CD82: variants seen among roughly 807,000 people sequenced by gnomAD.
CD82 encodes CD82 antigen.
In CD82, 36 loss-of-function variants were observed where a neutral mutation model predicts 37.4. That is an observed-to-expected ratio of 0.96 (90% CI 0.74 to 1.27). The LOEUF (loss-of-function observed/expected upper bound fraction) is 1.27, where lower values mean the gene tolerates loss of function less well. CD82 is among the 50% of genes most tolerant of loss of function. CD82 has a pLI of 0.00. For synonymous variants in CD82, 158 were observed against 137.4 expected (o/e 1.15, Z -1.05); for missense variants, 340 against 347.0 (o/e 0.98, Z 0.16).
intron 1 of CD82, chr11:44,566,198 C>G (rs12277292): frequency 0.53 from 80,894 of 152,030 alleles, 22,385 homozygotes; most frequent in African/African-American, 0.65. Context: ...TCGAACCCAC[C>G]AACCCTGGGG....
intron 1 of CD82, among the ~76,000 whole-genome samples, chr11:44,568,930 G>C (rs1590322702): frequency 6.6e-6 from 1 of 152,324 alleles, no homozygotes; most frequent in East Asian, 1.9e-4. Context: ...CTTGACCTTG[G>C]CCTTGGCCTT....
chr11:44,594,534 C>T (rs1306843974), intron 2 of CD82, 109 bp from the exon 3 acceptor site: 1 of 723,490 alleles, frequency 1.4e-6, no homozygotes, highest in African/African-American at 1.7e-5. Context: ...CCTCTCTGGG[C>T]CTCTGCATCC....
At chr11:44,590,610 C>CAAAAAAAAAA (rs56665683) in intron 2 of CD82, among the ~76,000 whole-genome samples, 3,973 of 33,388 alleles carry the variant, frequency 0.12, 1,201 homozygotes, top group East Asian at 0.32. Context: ...GATTCTGTCT[C>CAAAAAAAAAA]AAAAAAAAAA....
intron 7 of CD82, 63 bp downstream of exon 7, chr11:44,615,436 T>G: frequency 1.0e-6 from 1 of 960,344 alleles, no homozygotes; most frequent in Non-Finnish European, 1.7e-6. Flanking sequence ...TGGGGCTCTG[T>G]GCACCCACAT....
rs1244985664 is a variant in CD82 at position 44,587,509 on chromosome 11, C to T, written c.-68C>T. On this transcript the variant is annotated 5_prime_UTR_variant, in exon 2 of 10. Coordinates refer to ENST00000227155, the MANE Select transcript of CD82 (RefSeq NM_002231.4). ...TGCTGCTGTGTGGACGACACGTGGG[C>T]ACAGGCAGAAGTGGGCCCTGTGACC... is the stretch of plus-strand genomic sequence containing the variant. 2.2e-6 allele frequency: 1 copy of T among 456,306 alleles called. No individual in the cohort carries two copies. The highest frequency in any genetic ancestry group is 2.3e-5 in the Admixed American group (1 of 42,584). 28.3% of individuals were successfully genotyped at this position (456,306 alleles called of 1,614,324 possible). A position where few individuals can be genotyped will look rare whatever the true frequency, so the allele number is the denominator to read the frequency against.
chr11:44,596,289 G>A (rs1285818574), intron 3 of CD82, among the ~76,000 whole-genome samples: 5 of 152,268 alleles, frequency 3.3e-5, no homozygotes, highest in African/African-American at 1.2e-4. Context: ...CTTGGTGTCT[G>A]GGCGGAGACC....
chr11:44,571,950 G>A (rs749008267), intron 1 of CD82, among the ~76,000 whole-genome samples: 15 of 152,144 alleles, frequency 9.9e-5, no homozygotes, highest in Non-Finnish European at 1.5e-4. Flanking sequence ...CCTGGGCTCC[G>A]TTCCCAGCTC....
intron 2 of CD82, among the ~76,000 whole-genome samples, chr11:44,591,974 C>A (rs1026389341): frequency 1.3e-5 from 2 of 152,126 alleles, no homozygotes; most frequent in African/African-American, 4.8e-5. Context: ...CACCCACCCC[C>A]ACGCCTGGCT....
chr11:44,594,544 C>T, intron 2 of CD82, 99 bp from the exon 3 acceptor site: 1 of 768,934 alleles, frequency 1.3e-6, no homozygotes, highest in Non-Finnish European at 2.4e-6. Flanking sequence ...CCTCTGCATC[C>T]TCTAAGGCAG....
At chr11:44,601,750 G>A (rs7932462) in intron 4 of CD82, among the ~76,000 whole-genome samples, 27,525 of 152,106 alleles carry the variant, frequency 0.18, 2,806 homozygotes, top group African/African-American at 0.27. Context: ...GCTTTGGCCC[G>A]AGCCCCACCC....
intron 1 of CD82, among the ~76,000 whole-genome samples, chr11:44,576,698 T>C (rs1312363522): frequency 1.3e-5 from 2 of 152,240 alleles, no homozygotes; most frequent in Non-Finnish European, 1.5e-5. Flanking sequence ...TTGGGACATC[T>C]GAGTCCTCCT....
intron 1 of CD82, among the ~76,000 whole-genome samples, chr11:44,582,867 T>C (rs1235586139): frequency 1.3e-5 from 2 of 152,260 alleles, no homozygotes; most frequent in African/African-American, 2.4e-5. Context: ...TAGTTCTATC[T>C]GTCCATCCCA....
intron 2 of CD82, 123 bp downstream of exon 2, chr11:44,587,679 A>T (rs1359622850): frequency 2.3e-6 from 1 of 438,054 alleles, no homozygotes. Context: ...GGGTGGAGGG[A>T]CCACTTCTTC....
intron 3 of CD82, among the ~76,000 whole-genome samples, chr11:44,596,418 G>C (rs1853227897): frequency 6.6e-6 from 1 of 152,274 alleles, no homozygotes; most frequent in Non-Finnish European, 1.5e-5. Context: ...GGAGATCACG[G>C]AGCTTGGGTT....
At chr11:44,577,785 G>GC (rs1454596072) in intron 1 of CD82, among the ~76,000 whole-genome samples, 1 of 152,208 alleles carries the variant, frequency 6.6e-6, no homozygotes, top group Non-Finnish European at 1.5e-5. Flanking sequence ...CATCTTCCCT[G>GC]CAGTGGGCTC....
intron 6 of CD82, among the ~76,000 whole-genome samples, chr11:44,612,695 T>G (rs903205489): frequency 7.7e-6 from 1 of 130,626 alleles, no homozygotes; most frequent in Non-Finnish European, 1.6e-5. Context: ...TGCAGTGGCG[T>G]GATCTCGGCT....
chr11:44,575,505 CCCCA>C (rs1852878534), intron 1 of CD82, among the ~76,000 whole-genome samples: 1 of 152,202 alleles, frequency 6.6e-6, no homozygotes, highest in African/African-American at 2.4e-5. Context: ...GATTGCTTGG[CCCCA>C]CCCCCAGGTT....
intron 2 of CD82, among the ~76,000 whole-genome samples, chr11:44,589,545 TACAG>T: frequency 6.6e-6 from 1 of 152,224 alleles, no homozygotes; most frequent in Admixed American, 6.5e-5. Flanking sequence ...ATGATGATGA[TACAG>T]ACACCAGCCC....
At position 44,619,077 on chromosome 11, in the gene CD82, T is replaced by C. The variant is rs1853616047; in HGVS notation, c.755T>C (p.Leu252Ser). 1 of 1,613,820 alleles carries C rather than the reference T, an allele frequency of 6.2e-7. No homozygotes were observed. The highest frequency in any genetic ancestry group is 1.3e-5 in the African/African-American group (1 of 74,930). Residue 252 changes from leucine to serine, a missense_variant, in exon 10 of 10, where the codon TTG becomes TCG. Coordinates refer to ENST00000227155, the MANE Select transcript of CD82 (RefSeq NM_002231.4). Reference protein sequence around the residue: ...ELLGMVLSICLCRHVHSEDYS... With the variant: ...ELLGMVLSICSCRHVHSEDYS... ...CTGGGGATGGTCCTGTCCATCTGCT[T>C]GTGCCGGCACGTCCATTCCGAAGAC...
Sources: gnomAD v4.1 joint callset for allele counts (sites outside exome capture counted in the v4.1 genomes callset) on GRCh38, gnomAD v4.1.1 for gene constraint, MANE v1.5 for transcripts, NCBI Gene and HGNC (gene_info 2026-07-23, HGNC 2026-07-21) for gene names.